The following DDX10 variants were observed in gnomAD, a reference collection of about 807,000 sequenced individuals.
The protein encoded by DDX10 is probable ATP-dependent RNA helicase DDX10.
Under a neutral mutation model 104.3 loss-of-function variants are expected in DDX10, and 74 were observed. That is an observed-to-expected ratio of 0.71 (90% CI 0.59 to 0.86). The LOEUF is 0.86. Ranked by LOEUF, DDX10 falls within the 40% of genes least tolerant of loss-of-function variation. The pLI is 0.00. For missense variants in DDX10, 952 were observed against 1,040.0 expected (o/e 0.92, Z 1.16); for synonymous variants, 351 against 353.4 (o/e 0.99, Z 0.08).
chr11:108,836,907 G>A (rs1334901710), intron 13 of DDX10, among the ~76,000 whole-genome samples: 1 of 152,160 alleles, frequency 6.6e-6, no homozygotes, highest in Non-Finnish European at 1.5e-5. Context: ...CCAATGCGCT[G>A]CTTCCCAAAG....
rs376588411 is a variant in DDX10, at chr11:108,692,049, T to C, written c.1138+11T>C. 9.7e-5 allele frequency: 153 copies of C among 1,573,056 alleles called. No homozygotes were observed. The highest frequency in any genetic ancestry group is 1.7e-4 in the Admixed American group (9 of 54,244). On this transcript the variant is annotated intron_variant, in intron 8 of 17. Coordinates refer to ENST00000322536, the MANE Select transcript of DDX10 (RefSeq NM_004398.4). Reference sequence around the variant, plus strand: ...CAGCCAGGGGTCTGGGTAAGAAAACTTCCTATCATGAAATTTCTGTGATTG... The same window carrying C: ...CAGCCAGGGGTCTGGGTAAGAAAACCTCCTATCATGAAATTTCTGTGATTG...
At chr11:108,889,052 T>G (rs142554511) in intron 16 of DDX10, among the ~76,000 whole-genome samples, 3 of 152,316 alleles carry the variant, frequency 2.0e-5, no homozygotes, top group African/African-American at 4.8e-5. Context: ...AGGGTCAGTT[T>G]AGTGAAAGTG....
At chr11:108,666,761 G>GCCTA (rs1239250712) in intron 1 of DDX10, among the ~76,000 whole-genome samples, 2 of 152,182 alleles carry the variant, frequency 1.3e-5, no homozygotes, top group Non-Finnish European at 2.9e-5. Context: ...TGCGTTTAGG[G>GCCTA]CCTACACAGA....
chr11:108,882,259 T>C (rs1863236931), intron 16 of DDX10, among the ~76,000 whole-genome samples: 1 of 152,206 alleles, frequency 6.6e-6, no homozygotes, highest in African/African-American at 2.4e-5. Context: ...TTGTTCAAAA[T>C]ATGCCCCCAC....
chr11:108,742,260 A>AAAAAC (rs200154140), intron 13 of DDX10, among the ~76,000 whole-genome samples: 9 of 149,858 alleles, frequency 6.0e-5, no homozygotes, highest in Middle Eastern at 3.3e-3. Context: ...ACTCTGTCTC[A>AAAAAC]AAAACAAAAC....
chr11:108,805,648 T>C (rs1230866309), intron 13 of DDX10, among the ~76,000 whole-genome samples: 1 of 152,228 alleles, frequency 6.6e-6, no homozygotes, highest in African/African-American at 2.4e-5. Flanking sequence ...ATATCACAAA[T>C]TTAATGACCT....
intron 17 of DDX10, chr11:108,919,079 GAC>G (rs1191015261): frequency 6.6e-6 from 1 of 152,192 alleles, no homozygotes; most frequent in African/African-American, 2.4e-5. Flanking sequence ...GCTGTAGAGA[GAC>G]AGAGTTACTC....
intron 17 of DDX10, among the ~76,000 whole-genome samples, chr11:108,924,903 A>C (rs1205137835): frequency 6.6e-6 from 1 of 151,954 alleles, no homozygotes; most frequent in Non-Finnish European, 1.5e-5. Flanking sequence ...AATTACTTGA[A>C]CCTCTCCTTC....
chr11:108,691,875 G>C lies in DDX10; in HGVS notation c.976-1G>C. 2 of 1,611,520 alleles carry C rather than the reference G, an allele frequency of 1.2e-6. No individual in the cohort carries two copies. Among genetic ancestry groups the C allele is most frequent in the East Asian group, 4.5e-5 (2 of 44,802 alleles). ...AACTTATTCTTCTGTTGATGCCCCA[G>C]GTCCAGTATCTGTACCGAGTGTTTT... On this transcript the variant is annotated splice_acceptor_variant, in intron 7 of 17. Coordinates refer to ENST00000322536, the MANE Select transcript of DDX10 (RefSeq NM_004398.4). LOFTEE classifies it high-confidence loss of function.
intron 13 of DDX10, among the ~76,000 whole-genome samples, chr11:108,826,377 A>G (rs1314462647): frequency 2.6e-5 from 4 of 152,152 alleles, no homozygotes; most frequent in Non-Finnish European, 5.9e-5. Flanking sequence ...GGAGCTTGAC[A>G]TTGTTTACTA....
At chr11:108,803,419 C>G (rs564294402) in intron 13 of DDX10, among the ~76,000 whole-genome samples, 81 of 152,026 alleles carry the variant, frequency 5.3e-4, no homozygotes, top group Non-Finnish European at 2.4e-4. Flanking sequence ...CACGGAGAAA[C>G]CCCATCTCTA....
intron 16 of DDX10, among the ~76,000 whole-genome samples, chr11:108,864,333 G>A (rs1442422610): frequency 6.6e-6 from 1 of 151,888 alleles, no homozygotes; most frequent in Non-Finnish European, 1.5e-5. Context: ...TTACTTACAT[G>A]TGTTCATGCA....
chr11:108,738,740 GT>G (rs1221356662), intron 13 of DDX10, among the ~76,000 whole-genome samples: 1 of 152,126 alleles, frequency 6.6e-6, no homozygotes, highest in Non-Finnish European at 1.5e-5. Context: ...CTTTTTCTAG[GT>G]TTCAAGAATT....
chr11:108,929,018 A>G (rs1863943051), intron 17 of DDX10, among the ~76,000 whole-genome samples: 1 of 152,240 alleles, frequency 6.6e-6, no homozygotes, highest in African/African-American at 2.4e-5. Context: ...AACATAGCCT[A>G]TTCAAAATAT....
At chr11:108,872,420 C>T (rs1194848290) in intron 16 of DDX10, among the ~76,000 whole-genome samples, 1 of 152,220 alleles carries the variant, frequency 6.6e-6, no homozygotes. Context: ...AAACAGCCCT[C>T]ATTCCCTTGA....
At chr11:108,761,642 A>G (rs1246758627) in intron 13 of DDX10, among the ~76,000 whole-genome samples, 1 of 152,128 alleles carries the variant, frequency 6.6e-6, no homozygotes, top group Non-Finnish European at 1.5e-5. Flanking sequence ...GGATTGTAGA[A>G]AAAGGGTCAA....
intron 13 of DDX10, among the ~76,000 whole-genome samples, chr11:108,812,626 T>C (rs140101840): frequency 1.3e-5 from 2 of 152,258 alleles, no homozygotes; most frequent in East Asian, 1.9e-4. Context: ...TGATTGATTA[T>C]AGCATGTGCT....
At chr11:108,841,616 T>C (rs905700462) in intron 15 of DDX10, 140 bp downstream of exon 15, 1 of 836,258 alleles carries the variant, frequency 1.2e-6, no homozygotes, top group South Asian at 2.1e-5. Flanking sequence ...GGCTACTCTT[T>C]TTTCTGTTTA....
At chr11:108,725,316 C>T (rs568574026) in intron 13 of DDX10, among the ~76,000 whole-genome samples, 3 of 152,026 alleles carry the variant, frequency 2.0e-5, no homozygotes, top group Non-Finnish European at 2.9e-5. Flanking sequence ...CTTGGGGAAA[C>T]GAGTGGGGTT....
Sources: gnomAD v4.1 joint callset for allele counts (sites outside exome capture counted in the v4.1 genomes callset) on GRCh38, gnomAD v4.1.1 for gene constraint, MANE v1.5 for transcripts, NCBI Gene and HGNC (gene_info 2026-07-23, HGNC 2026-07-21) for gene names.